Variants in PRRX2 observed in about 807,000 individuals in gnomAD.
PRRX2 encodes the protein paired related homeobox 2.
Under a neutral mutation model 18.0 loss-of-function variants are expected in PRRX2, and 11 were observed. That is an observed-to-expected ratio of 0.61 (90% confidence interval 0.39 to 1.01). The LOEUF is 1.01. Ranked by LOEUF, PRRX2 falls within the 50% of genes least tolerant of loss-of-function variation. PRRX2 has a pLI of 0.01. For missense variants in PRRX2, 387 were observed against 351.0 expected (o/e 1.10, Z -0.82); for synonymous variants, 177 against 154.8 (o/e 1.14, Z -1.06).
intron 2 of PRRX2, among the ~76,000 whole-genome samples, chr9:129,720,281 C>T (rs2909201): frequency 1.3e-5 from 2 of 148,664 alleles, no homozygotes; most frequent in Non-Finnish European, 3.0e-5. Context: ...GCCTCTCCCC[C>T]CGAGTGCTCA....
chr9:129,711,616 C>T (rs960571215), intron 1 of PRRX2, among the ~76,000 whole-genome samples: 4 of 151,924 alleles, frequency 2.6e-5, no homozygotes, highest in Non-Finnish European at 5.9e-5. Flanking sequence ...ACCATGTTGG[C>T]CGGGCTGGTC....
intron 1 of PRRX2, among the ~76,000 whole-genome samples, chr9:129,674,665 G>A (rs1832142900): frequency 6.6e-6 from 1 of 152,070 alleles, no homozygotes; most frequent in South Asian, 2.1e-4. Context: ...ACAAGGTGAG[G>A]GCAGGTGACC....
Position 129,699,439 on chromosome 9 carries a change from A to ATGTGTGTGTGTGTGTG in PRRX2, c.260-19774_260-19759dup, listed in dbSNP as rs3138854. Among the ~76,000 whole-genome samples, 472 of 145,592 alleles carry ATGTGTGTGTGTGTGTG rather than the reference A, an allele frequency of 3.2e-3. 1 individual carries two copies. The highest frequency in any genetic ancestry group is 0.011 in the African/African-American group (449 of 39,564). ...ACTCTGTCTCAAAAAAAATATATAT[A>ATGTGTGTGTGTGTGTG]TGTGTGTGTGTGTGTGTGTGTGTGT... On this transcript the variant is annotated intron_variant, in intron 1 of 3. Coordinates refer to ENST00000372469, the MANE Select transcript of PRRX2 (RefSeq NM_016307.4).
chr9:129,686,231 C>T (rs1279639545), intron 1 of PRRX2, among the ~76,000 whole-genome samples: 4 of 152,164 alleles, frequency 2.6e-5, no homozygotes, highest in Non-Finnish European at 5.9e-5. Context: ...TGGTGTTGCT[C>T]AGAACCAGAG....
At chr9:129,676,299 C>T (rs1346350515) in intron 1 of PRRX2, among the ~76,000 whole-genome samples, 1 of 152,192 alleles carries the variant, frequency 6.6e-6, no homozygotes, top group Non-Finnish European at 1.5e-5. Flanking sequence ...ACCTCTGGCC[C>T]GCTGAGGGAC....
intron 1 of PRRX2, among the ~76,000 whole-genome samples, chr9:129,683,924 C>T (rs1304234119): frequency 6.6e-6 from 1 of 152,172 alleles, no homozygotes; most frequent in Non-Finnish European, 1.5e-5. Flanking sequence ...TGTCCCTACC[C>T]TCTTCCTGTA....
chr9:129,677,069 C>T lies in PRRX2; in HGVS notation c.259+10943C>T, dbSNP rs545574571. ...TGCAAGAAAACTGCATAGGATTCTC[C>T]TTATTTGCTCATTTGTTCAGCGCAT... On this transcript the variant is annotated intron_variant, in intron 1 of 3. Coordinates refer to ENST00000372469, the MANE Select transcript of PRRX2 (RefSeq NM_016307.4). Among the ~76,000 whole-genome samples, 11 of 152,302 alleles carry T rather than the reference C, an allele frequency of 7.2e-5. No homozygotes were observed. In the South Asian group the frequency reaches 2.3e-3, roughly 32 times the overall value.
At chr9:129,666,388 A>G (rs1033971183) in intron 1 of PRRX2, among the ~76,000 whole-genome samples, 4 of 152,094 alleles carry the variant, frequency 2.6e-5, no homozygotes, top group African/African-American at 9.7e-5. Flanking sequence ...CGGCTCCCGA[A>G]CAGCCTGGGA....
intron 1 of PRRX2, among the ~76,000 whole-genome samples, chr9:129,669,391 TA>T (rs1832073122): frequency 6.6e-6 from 1 of 152,214 alleles, no homozygotes; most frequent in Non-Finnish European, 1.5e-5. Flanking sequence ...TGCAATGACT[TA>T]CAACAAAAGA....
At chr9:129,670,621 C>T (rs538800770) in intron 1 of PRRX2, among the ~76,000 whole-genome samples, 2 of 152,244 alleles carry the variant, frequency 1.3e-5, no homozygotes, top group South Asian at 4.2e-4. Flanking sequence ...GTGATCCACC[C>T]GTCTCAGCCT....
At chr9:129,666,179 G>A (rs1220613149) in intron 1 of PRRX2, 53 bp downstream of exon 1, 9 of 994,752 alleles carry the variant, frequency 9.0e-6, no homozygotes, top group Non-Finnish European at 9.6e-6. Context: ...CGGGGCCGGG[G>A]CCGGGGCGCG....
chr9:129,696,567 C>A (rs1252114620), intron 1 of PRRX2, among the ~76,000 whole-genome samples: 2 of 152,184 alleles, frequency 1.3e-5, no homozygotes, highest in Non-Finnish European at 1.5e-5. Context: ...CAGAGTTAGA[C>A]CCTGTCTCGA....
At chr9:129,704,400 G>T (rs901108638) in intron 1 of PRRX2, among the ~76,000 whole-genome samples, 9 of 152,180 alleles carry the variant, frequency 5.9e-5, no homozygotes, top group African/African-American at 2.2e-4. Context: ...GAGACCTCTT[G>T]TCTGAGGACA....
chr9:129,691,277 C>T (rs1048712305), intron 1 of PRRX2, among the ~76,000 whole-genome samples: 26 of 150,512 alleles, frequency 1.7e-4, no homozygotes, highest in African/African-American at 6.3e-4. Context: ...GCAGGGGTTG[C>T]GGTGACCCAA....
intron 1 of PRRX2, among the ~76,000 whole-genome samples, chr9:129,697,812 TG>T (rs1832446353): frequency 6.6e-6 from 1 of 151,826 alleles, no homozygotes; most frequent in Non-Finnish European, 1.5e-5. Context: ...CACAAAGGGC[TG>T]GGGACGCTTC....
intron 1 of PRRX2, among the ~76,000 whole-genome samples, chr9:129,669,760 G>C (rs1202061967): frequency 6.6e-6 from 1 of 152,120 alleles, no homozygotes; most frequent in African/African-American, 2.4e-5. Context: ...GGGTCCCCAG[G>C]GCTCAGCTCA....
chr9:129,698,113 C>A (rs1381256859), intron 1 of PRRX2, among the ~76,000 whole-genome samples: 2 of 152,092 alleles, frequency 1.3e-5, no homozygotes, highest in Non-Finnish European at 2.9e-5. Context: ...CGAGCCTTCC[C>A]GTCCCCAGGC....
In PRRX2 at chr9:129,719,269, C is replaced by T. The variant is rs746928887; in HGVS notation, c.298C>T (p.Arg100Trp). 6.2e-7 allele frequency: 1 copy of T among 1,607,526 alleles called. No individual in the cohort carries two copies. The highest frequency in any genetic ancestry group is 8.5e-7 in the Non-Finnish European group (1 of 1,177,408). ...CCCGGGGCGCGGTAGCGCCGCCAAG[C>T]GGAAGAAGAAGCAGCGGCGGAACCG... ...PSPGRGSAAK[R>W]KKKQRRNRTT... is the part of the protein sequence containing the mutation. The change falls in exon 2 of 4, where the codon CGG (arginine) becomes TGG (tryptophan). Residue 100 changes from arginine to tryptophan, a missense_variant. Physicochemically the swap from Arg to Trp is moderately radical, Grantham distance 101 (BLOSUM62 -3). Transcript: ENST00000372469.
At chr9:129,719,173 A>G in intron 1 of PRRX2, 58 bp from the exon 2 acceptor site, 1 of 1,445,370 alleles carries the variant, frequency 6.9e-7, no homozygotes, top group East Asian at 2.5e-5. Context: ...TGGGGGCTGA[A>G]CTGTGACTGT....
Sources: allele counts gnomAD v4.1 joint callset (sites outside exome capture counted in the v4.1 genomes callset), GRCh38; gene constraint gnomAD v4.1.1; transcripts MANE v1.5; gene names NCBI Gene and HGNC (gene_info 2026-07-23, HGNC 2026-07-21).